The following GALNTL5 variants were observed in gnomAD, a reference collection of about 807,000 sequenced individuals.
The protein encoded by GALNTL5 is inactive polypeptide N-acetylgalactosaminyltransferase-like protein 5.
A neutral mutation model predicts 51.0 loss-of-function variants in GALNTL5; 44 were observed. The ratio of observed to expected loss-of-function variants is 0.86; its 90% confidence interval spans 0.68 to 1.11. The LOEUF (loss-of-function observed/expected upper bound fraction) is 1.11. GALNTL5 is among the 50% of genes least tolerant of loss of function. The pLI is 0.00. For missense variants in GALNTL5, 528 were observed against 531.8 expected, an observed-to-expected ratio of 0.99 and a Z score of 0.07; for synonymous variants, 192 against 182.8, an observed-to-expected ratio of 1.05 and a Z score of -0.41.
intron 5 of GALNTL5, among the ~76,000 whole-genome samples, chr7:151,998,181 C>A (rs2081524612): frequency 6.6e-6 from 1 of 152,146 alleles, no homozygotes; most frequent in East Asian, 1.9e-4. Flanking sequence ...TCCACTCCAG[C>A]CTGGGCAACA....
At chr7:151,957,548 CAA>C (rs3037148) in intron 1 of GALNTL5, among the ~76,000 whole-genome samples, 1 of 111,192 alleles carries the variant, frequency 9.0e-6, no homozygotes, top group Non-Finnish European at 1.9e-5. Flanking sequence ...GACCCTGTCT[CAA>C]AAAAAAAAAA....
At chr7:152,006,211 G>A (rs2081639926) in intron 6 of GALNTL5, among the ~76,000 whole-genome samples, 1 of 152,210 alleles carries the variant, frequency 6.6e-6, no homozygotes, top group African/African-American at 2.4e-5. Flanking sequence ...GCGAGAGAAG[G>A]ACTGGAAATG....
At chr7:152,009,623 C>T (rs1586852441) in intron 7 of GALNTL5, among the ~76,000 whole-genome samples, 1 of 152,182 alleles carries the variant, frequency 6.6e-6, no homozygotes, top group Admixed American at 6.5e-5. Flanking sequence ...TGAAGCCACA[C>T]TGGTTGTTAA....
intron 4 of GALNTL5, among the ~76,000 whole-genome samples, 170 bp downstream of exon 4, chr7:151,983,322 T>A (rs1183552655): frequency 6.6e-6 from 1 of 152,000 alleles, no homozygotes; most frequent in Admixed American, 6.6e-5. Flanking sequence ...GGATTACAGG[T>A]GCATGCCACC....
intron 1 of GALNTL5, among the ~76,000 whole-genome samples, chr7:151,963,694 G>A (rs1408932901): frequency 6.6e-6 from 1 of 152,158 alleles, no homozygotes. Flanking sequence ...CACTGCGCCT[G>A]GCCATTTATT....
At chr7:152,019,622 G>A (rs775394274) in intron 8 of GALNTL5, 24 bp from the exon 9 acceptor site, 8 of 1,599,480 alleles carry the variant, frequency 5.0e-6, no homozygotes, top group East Asian at 2.2e-5. Context: ...TGAACGTAAC[G>A]ACTGACTCTA....
At chr7:152,005,931 T>C (rs1563023281) in intron 6 of GALNTL5, among the ~76,000 whole-genome samples, 1 of 151,832 alleles carries the variant, frequency 6.6e-6, no homozygotes, top group Non-Finnish European at 1.5e-5. Context: ...TTGAGAGAGG[T>C]CAGGGCTGGA....
At position 152,019,721 on chromosome 7, in the gene GALNTL5, A is replaced by T. The variant is rs766612376; in HGVS notation, c.1252A>T (p.Lys418Ter). The T allele has an allele frequency of 9.3e-6, 15 of 1,613,966 alleles. No homozygotes were observed. Among genetic ancestry groups the T allele is most frequent in the Non-Finnish European group, 1.3e-5 (15 of 1,179,968 alleles). ...TATTCGCGAGCGTGTTGAGTTAAGG[A>T]AACGACTGGGTTGCAAGTCATTTCA... is the stretch of plus-strand genomic sequence containing the variant. ...GNIRERVELR[K>*]RLGCKSFQWY... Residue 418 changes from lysine (K) to a stop codon, truncating the protein, a stop_gained, in exon 9 of 9, where the codon AAA (lysine) becomes TAA (stop). Coordinates refer to ENST00000392800, the MANE Select transcript of GALNTL5 (RefSeq NM_145292.4). LOFTEE classifies it high-confidence loss of function.
intron 1 of GALNTL5, among the ~76,000 whole-genome samples, chr7:151,966,263 C>G (rs1370330733): frequency 6.7e-6 from 1 of 149,212 alleles, no homozygotes; most frequent in Non-Finnish European, 1.5e-5. Context: ...TTGTTCTTTT[C>G]TTTCTTTTTT....
intron 1 of GALNTL5, among the ~76,000 whole-genome samples, chr7:151,960,008 T>G (rs6948441): frequency 0.22 from 33,573 of 151,852 alleles, 4,233 homozygotes; most frequent in Admixed American, 0.32. Context: ...AATTCAACCT[T>G]CCCTGGAGTT....
chr7:152,009,388 ATCTGACACTAAACTGTCTTT>A lies in GALNTL5; in HGVS notation c.1026+1449_1026+1468del, dbSNP rs1425569156. Among the ~76,000 whole-genome samples, 4 of 152,330 alleles carry A rather than the reference ATCTGACACTAAACTGTCTTT, an allele frequency of 2.6e-5. No individual in the cohort carries two copies. In the East Asian group the frequency reaches 5.8e-4, roughly 22 times the overall value. On this transcript the variant is annotated intron_variant, in intron 7 of 8. Transcript: ENST00000392800. The stretch of plus-strand genomic sequence containing the variant: ...TCCATCTATCTGAGGTCATTGCAGC[ATCTGACACTAAACTGTCTTT>A]TCTGGAAGTTTTCTTGGACGTTAGG...
intron 5 of GALNTL5, among the ~76,000 whole-genome samples, chr7:151,999,004 C>A (rs957153202): frequency 6.6e-6 from 1 of 152,202 alleles, no homozygotes; most frequent in South Asian, 2.1e-4. Flanking sequence ...AACTCCAAAA[C>A]ATTTTCATTA....
rs148830561 is a variant in GALNTL5, at chr7:152,009,305, C to T, written c.1026+1361C>T. 3.5e-4 allele frequency among the ~76,000 whole-genome samples: 54 copies of T among 152,304 alleles called. 1 individual carries two copies. Among genetic ancestry groups the T allele is most frequent in the East Asian group, 2.1e-3 (11 of 5,184 alleles). Reference sequence around the variant, plus strand: ...GAAGGCCCTCAGCTTTCCGTGACATCGTTCCAGGAACTGCCACCAGTTTTG... The same window carrying T: ...GAAGGCCCTCAGCTTTCCGTGACATTGTTCCAGGAACTGCCACCAGTTTTG... On this transcript the variant is annotated intron_variant, in intron 7 of 8. Coordinates refer to ENST00000392800, the MANE Select transcript of GALNTL5 (RefSeq NM_145292.4).
chr7:151,971,167 A>AAAGTTC, intron 3 of GALNTL5, 102 bp downstream of exon 3: 1 of 939,106 alleles, frequency 1.1e-6, no homozygotes, highest in Non-Finnish European at 1.6e-6. Flanking sequence ...CCAGATTTTA[A>AAAGTTC]TTTGATCATA....
chr7:151,973,358 G>A lies in GALNTL5; in HGVS notation c.368+2293G>A, dbSNP rs545862731. 2.0e-5 allele frequency among the ~76,000 whole-genome samples: 3 copies of A among 151,850 alleles called. No individual in the cohort carries two copies. In the South Asian group the frequency reaches 6.2e-4, roughly 32 times the overall value. On this transcript the variant is annotated intron_variant, in intron 3 of 8. Transcript: ENST00000392800. ...TGCGTGCCTATAGACCCAGCTACTT[G>A]GGAGGCTGAGGCAGGAGAATTGTTT...
intron 3 of GALNTL5, among the ~76,000 whole-genome samples, chr7:151,972,830 G>T (rs1157164311): frequency 6.6e-6 from 1 of 152,194 alleles, no homozygotes; most frequent in Non-Finnish European, 1.5e-5. Context: ...TGCTGCGGGG[G>T]CAGAGCCCTC....
chr7:152,005,696 G>A (rs1161139649), intron 6 of GALNTL5, among the ~76,000 whole-genome samples: 1 of 151,934 alleles, frequency 6.6e-6, no homozygotes, highest in Non-Finnish European at 1.5e-5. Context: ...AGACCCAGGG[G>A]GAAAAAGCCT....
At chr7:152,001,501 ATT>A (rs1357768780) in intron 5 of GALNTL5, among the ~76,000 whole-genome samples, 1 of 152,144 alleles carries the variant, frequency 6.6e-6, no homozygotes, top group East Asian at 1.9e-4. Context: ...CCTCAGCACA[ATT>A]TATTGAAAAG....
Position 151,987,183 on chromosome 7 carries a change from A to G in GALNTL5, c.560A>G (p.Tyr187Cys), listed in dbSNP as rs1405497817. 3 of 1,594,432 alleles carry G rather than the reference A, an allele frequency of 1.9e-6. No homozygotes were observed. Among genetic ancestry groups the G allele is most frequent in the African/African-American group, 1.4e-5 (1 of 73,754 alleles). The stretch of plus-strand genomic sequence containing the variant: ...GATGATTTGAAAGAAAAACTAGACT[A>G]TCACCTGGAAACTTTTCGGGGAAAG... ...KVDDLKEKLDYHLETFRGKVK... is the reference protein window; with the variant it reads ...KVDDLKEKLDCHLETFRGKVK... The change falls in exon 5 of 9, where the codon TAT (tyrosine) becomes TGT (cysteine). Residue 187 changes from tyrosine to cysteine, a missense_variant. Tyr to Cys is a radical substitution (Grantham distance 194, BLOSUM62 -2). Transcript: ENST00000392800.
Sources: allele counts gnomAD v4.1 joint callset (sites outside exome capture counted in the v4.1 genomes callset), GRCh38; gene constraint gnomAD v4.1.1; transcripts MANE v1.5; gene names NCBI Gene and HGNC (gene_info 2026-07-23, HGNC 2026-07-21).